The following NLGN1 variants were observed in gnomAD, a reference collection of about 807,000 sequenced individuals.
NLGN1 encodes neuroligin-1.
Under a neutral mutation model 65.5 loss-of-function variants are expected in NLGN1, and 12 were observed. That is an observed-to-expected ratio of 0.18 (90% CI 0.12 to 0.30). The LOEUF (loss-of-function observed/expected upper bound fraction) is 0.30, where lower values mean the gene tolerates loss of function less well. Among genes scored for constraint, NLGN1 ranks in the 10% least tolerant of loss-of-function variants. The probability of loss-of-function intolerance (pLI) is 1.00; values close to 1 mark genes in which losing one functional copy is unlikely to be tolerated. For synonymous variants in NLGN1, 350 were observed against 359.5 expected (o/e 0.97, Z 0.30); for missense variants, 750 against 1,007.1 (o/e 0.74, Z 3.46).
chr3:174,242,085 G>C (rs531242954), intron 4 of NLGN1, among the ~76,000 whole-genome samples: 69 of 152,318 alleles, frequency 4.5e-4, no homozygotes, highest in African/African-American at 1.7e-3. Flanking sequence ...TCTGGAGTCA[G>C]AGAATCTGGG....
At chr3:174,061,820 G>A (rs1284630717) in intron 4 of NLGN1, among the ~76,000 whole-genome samples, 1 of 152,062 alleles carries the variant, frequency 6.6e-6, no homozygotes, top group Non-Finnish European at 1.5e-5. Context: ...ATATTCCCTG[G>A]TTGCAGTTTC....
At chr3:174,293,631 A>G in the NLGN1 span, among the ~76,000 whole-genome samples, 1 of 151,632 alleles carries the variant, frequency 6.6e-6, no homozygotes, top group Non-Finnish European at 1.5e-5. Flanking sequence ...AACCTATAGA[A>G]TTTTATATTC....
intron 4 of NLGN1, among the ~76,000 whole-genome samples, chr3:173,857,453 C>G (rs555348197): frequency 6.6e-6 from 1 of 151,978 alleles, no homozygotes; most frequent in Non-Finnish European, 1.5e-5. Context: ...TTTTCAAAAC[C>G]CAATACGTTT....
At chr3:173,774,989 G>T (rs549480921) in intron 3 of NLGN1, among the ~76,000 whole-genome samples, 1 of 152,032 alleles carries the variant, frequency 6.6e-6, no homozygotes, top group South Asian at 2.1e-4. Flanking sequence ...CATTATAATT[G>T]AATCTTCTTC....
chr3:173,499,378 T>G (rs1450438099), intron 2 of NLGN1, among the ~76,000 whole-genome samples: 1 of 151,792 alleles, frequency 6.6e-6, no homozygotes, highest in Non-Finnish European at 1.5e-5. Context: ...TGTGTGGTAT[T>G]ATTTCTGAGA....
chr3:173,499,978 A>G (rs1730765938), intron 2 of NLGN1, among the ~76,000 whole-genome samples: 1 of 152,016 alleles, frequency 6.6e-6, no homozygotes, highest in Non-Finnish European at 1.5e-5. Context: ...TTCTAGATAT[A>G]CAATCATGTC....
At chr3:173,692,899 A>C (rs770102600) in intron 3 of NLGN1, among the ~76,000 whole-genome samples, 2 of 152,068 alleles carry the variant, frequency 1.3e-5, no homozygotes, top group African/African-American at 4.8e-5. Flanking sequence ...AACAGGTACT[A>C]TATAGAGTCA....
intron 4 of NLGN1, among the ~76,000 whole-genome samples, chr3:174,137,633 T>C (rs1721456434): frequency 6.6e-6 from 1 of 152,198 alleles, no homozygotes; most frequent in Non-Finnish European, 1.5e-5. Flanking sequence ...AGAAATTATA[T>C]GTGTCATTTA....
At chr3:173,458,048 T>C (rs1485028689) in intron 2 of NLGN1, among the ~76,000 whole-genome samples, 2 of 151,982 alleles carry the variant, frequency 1.3e-5, no homozygotes, top group East Asian at 1.9e-4. Context: ...GCCTGAGATA[T>C]ACATTTGGAT....
chr3:174,233,389 G>C lies in NLGN1; in HGVS notation c.647-41926G>C, dbSNP rs1372394310. 2.0e-5 allele frequency among the ~76,000 whole-genome samples: 3 copies of C among 152,010 alleles called. No individual in the cohort carries two copies. In the East Asian group the frequency reaches 5.8e-4, roughly 29 times the overall value. On this transcript the variant is annotated intron_variant, in intron 4 of 6. Coordinates refer to ENST00000457714, the Ensembl canonical transcript of NLGN1. ...TAATCCCAGCTACTCAGGAGGCTGA[G>C]GCGGGAGAATCGCTTGAACCCGGGA... is the stretch of plus-strand genomic sequence containing the variant.
At chr3:173,997,873 C>T (rs1014173156) in intron 4 of NLGN1, among the ~76,000 whole-genome samples, 1 of 152,052 alleles carries the variant, frequency 6.6e-6, no homozygotes, top group African/African-American at 2.4e-5. Context: ...GTTCTAGTAT[C>T]TAGAACCAAT....
chr3:173,840,908 C>T (rs1453394981), intron 4 of NLGN1, among the ~76,000 whole-genome samples: 1 of 152,202 alleles, frequency 6.6e-6, no homozygotes, highest in East Asian at 1.9e-4. Context: ...CTAACCCACA[C>T]GTTAACATCC....
chr3:173,638,294 T>A (rs905650824), intron 3 of NLGN1, among the ~76,000 whole-genome samples: 5 of 151,752 alleles, frequency 3.3e-5, no homozygotes, highest in Admixed American at 3.3e-4. Flanking sequence ...ATGAAGTGGG[T>A]GTAAAATGAG....
chr3:174,278,774 A>G (rs773151697), intron 5 of NLGN1, 87 bp from the exon 6 acceptor site: 8 of 1,103,986 alleles, frequency 7.2e-6, no homozygotes, highest in Non-Finnish European at 9.8e-6. Flanking sequence ...CTGGGTTTTT[A>G]TATACATGTC....
intron 3 of NLGN1, among the ~76,000 whole-genome samples, chr3:173,684,873 G>A (rs1447265742): frequency 2.0e-5 from 3 of 152,106 alleles, no homozygotes; most frequent in African/African-American, 7.2e-5. Flanking sequence ...CATAACAGTG[G>A]AGTGTTATTA....
At chr3:173,845,585 TAGAC>T (rs1246316160) in intron 4 of NLGN1, among the ~76,000 whole-genome samples, 2 of 149,810 alleles carry the variant, frequency 1.3e-5, no homozygotes, top group African/African-American at 5.0e-5. Flanking sequence ...GGTAGATGGA[TAGAC>T]AGATAGGTAG....
chr3:173,865,587 C>A (rs933320081), intron 4 of NLGN1, among the ~76,000 whole-genome samples: 3 of 151,858 alleles, frequency 2.0e-5, no homozygotes, highest in Non-Finnish European at 4.4e-5. Context: ...TTTAAAAAAA[C>A]AACAAAGAAA....
intron 2 of NLGN1, among the ~76,000 whole-genome samples, chr3:173,477,579 G>C (rs143802416): frequency 6.6e-6 from 1 of 152,204 alleles, no homozygotes; most frequent in African/African-American, 2.4e-5. Flanking sequence ...CTTTAGTATT[G>C]ACAGATTTGT....
intron 4 of NLGN1, among the ~76,000 whole-genome samples, chr3:174,184,251 T>C (rs988072193): frequency 6.6e-6 from 1 of 152,154 alleles, no homozygotes; most frequent in African/African-American, 2.4e-5. Context: ...CTCACATTCT[T>C]AATATAAAAG....
Sources: allele counts gnomAD v4.1 joint callset (sites outside exome capture counted in the v4.1 genomes callset), GRCh38; gene constraint gnomAD v4.1.1; transcripts MANE v1.5; gene names NCBI Gene and HGNC (gene_info 2026-07-23, HGNC 2026-07-21).